The following PLCG2 variants were observed in gnomAD, a reference collection of about 807,000 sequenced individuals.
The protein encoded by PLCG2 is phospholipase C gamma 2, also known as 1-phosphatidylinositol 4,5-bisphosphate phosphodiesterase gamma-2.
In PLCG2, 69 loss-of-function variants were observed where a neutral mutation model predicts 175.6. The ratio of observed to expected loss-of-function variants is 0.39; its 90% confidence interval spans 0.32 to 0.48. PLCG2 has a LOEUF of 0.48. PLCG2 is among the 20% of genes least tolerant of loss of function. The pLI is 0.91. For missense variants in PLCG2, 1,798 were observed against 1,650.9 expected (o/e 1.09, Z -1.54); for synonymous variants, 827 against 624.0 (o/e 1.33, Z -4.85).
At chr16:81,867,848 C>G (rs1185259230) in intron 5 of PLCG2, among the ~76,000 whole-genome samples, 2 of 152,166 alleles carry the variant, frequency 1.3e-5, no homozygotes, top group Admixed American at 6.5e-5. Context: ...CAGGCGCCTG[C>G]TACCATGCCT....
intron 5 of PLCG2, among the ~76,000 whole-genome samples, chr16:81,860,390 G>A (rs892587023): frequency 6.6e-6 from 1 of 152,026 alleles, no homozygotes; most frequent in African/African-American, 2.4e-5. Context: ...ATTTGAGGGA[G>A]CTGTGAGTGG....
At chr16:81,948,247 G>C (rs113652744) in intron 31 of PLCG2, among the ~76,000 whole-genome samples, 2 of 152,154 alleles carry the variant, frequency 1.3e-5, no homozygotes, top group African/African-American at 4.8e-5. Flanking sequence ...CTAAGTTGTC[G>C]TATTATATCC....
chr16:81,828,567 G>T (rs1437245370), intron 2 of PLCG2, among the ~76,000 whole-genome samples: 1 of 152,114 alleles, frequency 6.6e-6, no homozygotes, highest in Non-Finnish European at 1.5e-5. Flanking sequence ...CTGTGCTGTG[G>T]TGTGGTGCCT....
chr16:81,765,706 C>T (rs562781208), intron 2 of PLCG2, among the ~76,000 whole-genome samples: 3 of 93,306 alleles, frequency 3.2e-5, no homozygotes, highest in African/African-American at 6.2e-5. Flanking sequence ...ACCACATCAG[C>T]GAGTTATGGT....
intron 2 of PLCG2, among the ~76,000 whole-genome samples, chr16:81,759,855 G>A (rs1484436713): frequency 6.6e-6 from 1 of 152,246 alleles, no homozygotes; most frequent in East Asian, 1.9e-4. Context: ...GGCCGGGCGT[G>A]GTGGCTCACG....
In PLCG2 at chr16:81,891,537, G is replaced by A. The variant is rs368534849; in HGVS notation, c.933G>A (p.Met311Ile). The A allele has an allele frequency of 2.0e-5, 32 of 1,612,526 alleles. No homozygotes were observed. The highest frequency in any genetic ancestry group is 7.7e-5 in the South Asian group (7 of 91,058). The change falls in exon 11 of 33, where the codon ATG becomes ATA. Residue 311 changes from methionine (M) to isoleucine (I), a missense_variant. Met to Ile is a conservative substitution (Grantham distance 10). Transcript: ENST00000564138. ...ATGAGAAGTATGACGCGGTGGACAT[G>A]CAGGACATGAACAACCCCCTGTCTC... The part of the protein sequence containing the change: ...IWDEKYDAVD[M>I]QDMNNPLSHY...
At chr16:81,845,593 C>A (rs991664350) in intron 2 of PLCG2, among the ~76,000 whole-genome samples, 1 of 152,240 alleles carries the variant, frequency 6.6e-6, no homozygotes. Context: ...CTCCTGGGAA[C>A]ATGAATTTGC....
intron 2 of PLCG2, among the ~76,000 whole-genome samples, chr16:81,809,719 C>G (rs779635083): frequency 6.6e-6 from 1 of 151,588 alleles, no homozygotes; most frequent in Non-Finnish European, 1.5e-5. Context: ...ATGTGTCTTT[C>G]TCCTCTTGCC....
intron 20 of PLCG2, 47 bp downstream of exon 20, chr16:81,919,711 G>A (rs1362528469): frequency 6.6e-7 from 1 of 1,514,150 alleles, no homozygotes; most frequent in Admixed American, 1.7e-5. Flanking sequence ...CTTGTCTGAG[G>A]TTGTAACTCA....
chr16:81,878,596 A>C (rs770271369), intron 7 of PLCG2, among the ~76,000 whole-genome samples: 11 of 151,734 alleles, frequency 7.2e-5, no homozygotes, highest in South Asian at 2.1e-4. Flanking sequence ...CCTTCTTCCT[A>C]CTGTCTCTTG....
intron 2 of PLCG2, among the ~76,000 whole-genome samples, chr16:81,757,316 C>G (rs1463911011): frequency 6.6e-6 from 1 of 151,792 alleles, no homozygotes; most frequent in Non-Finnish European, 1.5e-5. Flanking sequence ...CCCAAACAAA[C>G]AAAAAAACAA....
intron 2 of PLCG2, among the ~76,000 whole-genome samples, chr16:81,791,060 C>G (rs1283998949): frequency 6.6e-6 from 1 of 152,178 alleles, no homozygotes; most frequent in Non-Finnish European, 1.5e-5. Context: ...ATGGAATTTT[C>G]TCATTTGTTC....
chr16:81,795,438 C>G (rs1395850040), intron 2 of PLCG2, among the ~76,000 whole-genome samples: 2 of 152,144 alleles, frequency 1.3e-5, no homozygotes, highest in African/African-American at 2.4e-5. Flanking sequence ...TGAAGGTAGC[C>G]TAATTGCAGT....
At chr16:81,783,861 C>T (rs549947183) in intron 1 of PLCG2, among the ~76,000 whole-genome samples, 2 of 152,130 alleles carry the variant, frequency 1.3e-5, no homozygotes, top group African/African-American at 4.8e-5. Flanking sequence ...TGTTCTGCCT[C>T]CTAGCCTTTG....
chr16:81,854,588 G>A lies in PLCG2; in HGVS notation c.337+1G>A, dbSNP rs1315924625. The A allele has an allele frequency of 6.2e-7, 1 of 1,613,332 alleles. No individual in the cohort carries two copies. Among genetic ancestry groups the A allele is most frequent in the Non-Finnish European group, 8.5e-7 (1 of 1,179,424 alleles). On this transcript the variant is annotated splice_donor_variant, in intron 3 of 32. Transcript: ENST00000564138. LOFTEE classifies it high-confidence loss of function. ...GTCCTCAGCACGCTCAGCTTGGCAGGTAGGTGCATGTTTCTGTGCCTTTCT... is the reference window on the plus strand; with the variant it reads ...GTCCTCAGCACGCTCAGCTTGGCAGATAGGTGCATGTTTCTGTGCCTTTCT...
intron 3 of PLCG2, among the ~76,000 whole-genome samples, chr16:81,856,203 G>A (rs1010648025): frequency 5.3e-5 from 8 of 152,186 alleles, no homozygotes; most frequent in African/African-American, 1.7e-4. Flanking sequence ...ATCTGTGTGG[G>A]AAGATGAGAG....
intron 25 of PLCG2, among the ~76,000 whole-genome samples, chr16:81,933,653 C>T (rs1910594848): frequency 6.6e-6 from 1 of 152,102 alleles, no homozygotes; most frequent in African/African-American, 2.4e-5. Context: ...ATAATTCTCC[C>T]TGTCAGGGTG....
At chr16:81,918,583 A>G (rs1026043090) in intron 19 of PLCG2, among the ~76,000 whole-genome samples, 4 of 152,046 alleles carry the variant, frequency 2.6e-5, no homozygotes, top group Admixed American at 1.3e-4. Flanking sequence ...TTTCTTGGCT[A>G]TCTATTCTGT....
chr16:81,884,491 A>G (rs190069872), intron 9 of PLCG2, among the ~76,000 whole-genome samples: 12 of 151,984 alleles, frequency 7.9e-5, no homozygotes, highest in African/African-American at 2.4e-4. Context: ...CCAGCTGCAC[A>G]GCCACCGACA....
Sources: gnomAD v4.1 joint callset for allele counts (sites outside exome capture counted in the v4.1 genomes callset) on GRCh38, gnomAD v4.1.1 for gene constraint, MANE v1.5 for transcripts, NCBI Gene and HGNC (gene_info 2026-07-23, HGNC 2026-07-21) for gene names.